The following FRMD4B variants were observed in gnomAD, a reference collection of about 807,000 sequenced individuals.
FRMD4B encodes the protein FERM domain containing 4B.
FRMD4B carries 74 observed loss-of-function variants against 141.5 expected under a neutral mutation model. The ratio of observed to expected loss-of-function variants is 0.52; its 90% CI spans 0.43 to 0.63. The LOEUF is 0.63. Among genes scored for constraint, FRMD4B ranks in the 30% least tolerant of loss-of-function variants. The pLI is 0.00. For missense variants in FRMD4B, 1,366 were observed against 1,253.4 expected (o/e 1.09, Z -1.36); for synonymous variants, 506 against 467.9 (o/e 1.08, Z -1.05).
At chr3:69,349,538 G>A (rs187478135) in intron 1 of FRMD4B, among the ~76,000 whole-genome samples, 65 of 152,194 alleles carry the variant, frequency 4.3e-4, no homozygotes, top group African/African-American at 1.1e-3. Context: ...CCAAAAGAAC[G>A]AAACTGGAGG....
intron 1 of FRMD4B, among the ~76,000 whole-genome samples, chr3:69,332,946 A>G (rs1312289134): frequency 6.6e-6 from 1 of 152,044 alleles, no homozygotes; most frequent in Non-Finnish European, 1.5e-5. Flanking sequence ...ACCAAAAAGC[A>G]GAGTTAAAAA....
intron 7 of FRMD4B, among the ~76,000 whole-genome samples, chr3:69,243,167 A>G (rs1420753308): frequency 1.3e-5 from 2 of 152,066 alleles, no homozygotes; most frequent in African/African-American, 4.8e-5. Context: ...GGAAATTCAG[A>G]CTGTCATCTA....
intron 1 of FRMD4B, chr3:69,542,068 C>T (rs932415629): frequency 2.6e-5 from 4 of 152,136 alleles, no homozygotes; most frequent in African/African-American, 9.7e-5. Flanking sequence ...CTCTCCCAAA[C>T]TCCTGGGACC....
intron 1 of FRMD4B, among the ~76,000 whole-genome samples, chr3:69,490,723 A>G (rs538311764): frequency 1.7e-4 from 26 of 152,264 alleles, no homozygotes; most frequent in African/African-American, 6.0e-4. Flanking sequence ...TTTACTGTGT[A>G]TCTTCCTCAC....
chr3:69,495,026 T>A (rs776595598), intron 1 of FRMD4B, among the ~76,000 whole-genome samples: 7 of 151,862 alleles, frequency 4.6e-5, no homozygotes, highest in Non-Finnish European at 1.0e-4. Context: ...AGGAAAACAA[T>A]CTAGGCACCC....
At chr3:69,236,228 GTTTTT>G (rs545415221) in intron 7 of FRMD4B, among the ~76,000 whole-genome samples, 1 of 139,714 alleles carries the variant, frequency 7.2e-6, no homozygotes, top group Non-Finnish European at 1.6e-5. Context: ...TATTGTTTTG[GTTTTT>G]TTTTTTTTTT....
At chr3:69,227,655 T>G (rs1277707462) in intron 7 of FRMD4B, among the ~76,000 whole-genome samples, 1 of 148,776 alleles carries the variant, frequency 6.7e-6, no homozygotes, top group Non-Finnish European at 1.5e-5. Context: ...AGAGTGAGAC[T>G]TTGTCTCAAA....
chr3:69,541,793 C>CCCCA (rs1553652267), intron 1 of FRMD4B, among the ~76,000 whole-genome samples: 13 of 151,274 alleles, frequency 8.6e-5, no homozygotes, highest in African/African-American at 2.9e-4. Context: ...GGGATTTCCC[C>CCCCA]CCCCTCTTTT....
intron 4 of FRMD4B, among the ~76,000 whole-genome samples, chr3:69,288,300 T>G (rs539358030): frequency 6.6e-6 from 1 of 152,250 alleles, no homozygotes; most frequent in African/African-American, 2.4e-5. Context: ...GAGGGCCCCA[T>G]GCCTACCTGA....
intron 5 of FRMD4B, among the ~76,000 whole-genome samples, chr3:69,262,711 T>C (rs6549193): frequency 0.49 from 73,259 of 150,226 alleles, 17,913 homozygotes; most frequent in East Asian, 0.57. Flanking sequence ...CCGCCCGCCT[T>C]GGCCTCCCAA....
intron 1 of FRMD4B, among the ~76,000 whole-genome samples, chr3:69,517,519 C>G (rs76534785): frequency 1.3e-5 from 2 of 152,082 alleles, no homozygotes; most frequent in Non-Finnish European, 2.9e-5. Context: ...ATTGCCTGAC[C>G]ATTAAGTCTC....
At chr3:69,536,111 G>A in intron 1 of FRMD4B, 2 of 475,708 alleles carry the variant, frequency 4.2e-6, no homozygotes, top group South Asian at 2.0e-5. Context: ...TTGCTTGCCG[G>A]CCTTCTCTGT....
intron 1 of FRMD4B, among the ~76,000 whole-genome samples, chr3:69,492,955 C>A (rs1706324833): frequency 6.6e-6 from 1 of 152,160 alleles, no homozygotes. Flanking sequence ...AGGGATAATT[C>A]TCAGCAACCA....
intron 1 of FRMD4B, among the ~76,000 whole-genome samples, chr3:69,484,893 A>G (rs1706187861): frequency 6.6e-6 from 1 of 152,000 alleles, no homozygotes; most frequent in South Asian, 2.1e-4. Context: ...AGGAAAAAGC[A>G]CCATGAGTTC....
intron 1 of FRMD4B, among the ~76,000 whole-genome samples, chr3:69,501,086 C>A (rs1413270830): frequency 6.6e-6 from 1 of 152,062 alleles, no homozygotes; most frequent in Non-Finnish European, 1.5e-5. Flanking sequence ...AAAAATCAGG[C>A]AATCCAAAAT....
Position 69,247,069 on chromosome 3 carries a change from T to C in FRMD4B, c.581+2157A>G, listed in dbSNP as rs183927016. 3.3e-5 allele frequency among the ~76,000 whole-genome samples: 5 copies of C among 152,244 alleles called. No homozygotes were observed. The East Asian group carries it at 9.6e-4, about 29-fold the overall frequency. ...TTAGTCTCAAAAGTCTCATCAGAGG[T>C]AGATAAGAGACCAGATAGGATGATA... On this transcript the variant is annotated intron_variant, in intron 7 of 22. Transcript: ENST00000398540.
chr3:69,288,266 G>A (rs898080602), intron 4 of FRMD4B, among the ~76,000 whole-genome samples: 23 of 152,338 alleles, frequency 1.5e-4, no homozygotes, highest in Admixed American at 1.4e-3. Flanking sequence ...CTTGAGGCTC[G>A]GGGGTTTTTA....
chr3:69,434,091 G>A (rs1705223550), intron 1 of FRMD4B, among the ~76,000 whole-genome samples: 1 of 152,176 alleles, frequency 6.6e-6, no homozygotes, highest in South Asian at 2.1e-4. Context: ...AGCTCCTTGA[G>A]GGATTAAGCC....
In FRMD4B at chr3:69,171,799, T is replaced by C. The variant is rs868673420; in HGVS notation, c.*62A>G. On this transcript the variant is annotated 3_prime_UTR_variant, in exon 23 of 23. Coordinates refer to ENST00000398540, the MANE Select transcript of FRMD4B (RefSeq NM_015123.3). ...AACGAACATCCTCTCGGAAGACAAA[T>C]ACAATTTGCAAGGCACACTAGTGTG... 1 of 1,526,254 alleles carries C rather than the reference T, an allele frequency of 6.6e-7. No homozygotes were observed. The highest frequency in any genetic ancestry group is 9.0e-7 in the Non-Finnish European group (1 of 1,109,874). 94.5% of individuals were successfully genotyped at this position (1,526,254 alleles called of 1,614,324 possible). A position where few individuals can be genotyped will look rare whatever the true frequency, so the allele number is the denominator to read the frequency against.
Sources: gnomAD v4.1 joint callset for allele counts (sites outside exome capture counted in the v4.1 genomes callset) on GRCh38, gnomAD v4.1.1 for gene constraint, MANE v1.5 for transcripts, NCBI Gene and HGNC (gene_info 2026-07-23, HGNC 2026-07-21) for gene names.